RSPO3: variants seen among roughly 807,000 people sequenced by gnomAD.
RSPO3 encodes the protein R-spondin-3.
A neutral mutation model predicts 36.5 loss-of-function variants in RSPO3; 17 were observed. The ratio of observed to expected loss-of-function variants is 0.47; its 90% confidence interval spans 0.32 to 0.70. The LOEUF is 0.70. Among genes scored for constraint, RSPO3 ranks in the 30% least tolerant of loss-of-function variants. RSPO3 has a pLI of 0.04. For synonymous variants in RSPO3, 108 were observed against 107.0 expected, an observed-to-expected ratio of 1.01 and a Z score of -0.06; for missense variants, 294 against 322.5, an observed-to-expected ratio of 0.91 and a Z score of 0.68.
intron 3 of RSPO3, among the ~76,000 whole-genome samples, chr6:127,151,017 C>T (rs1375026165): frequency 6.6e-6 from 1 of 151,768 alleles, no homozygotes; most frequent in Non-Finnish European, 1.5e-5. Context: ...TAGGTCTAAT[C>T]TCAACTAATG....
At chr6:127,123,817 G>A (rs751520485) in intron 1 of RSPO3, among the ~76,000 whole-genome samples, 1 of 151,836 alleles carries the variant, frequency 6.6e-6, no homozygotes, top group Non-Finnish European at 1.5e-5. Flanking sequence ...TAATTCCCTG[G>A]CATTTAATAT....
chr6:127,167,674 A>T (rs1046714498), intron 4 of RSPO3, among the ~76,000 whole-genome samples: 1 of 151,974 alleles, frequency 6.6e-6, no homozygotes, highest in Non-Finnish European at 1.5e-5. Flanking sequence ...GGTTTGTTAC[A>T]TATGTATACA....
chr6:127,144,747 C>T (rs537989773), intron 1 of RSPO3, among the ~76,000 whole-genome samples: 10 of 148,840 alleles, frequency 6.7e-5, no homozygotes, highest in Admixed American at 1.4e-4. Flanking sequence ...CAAGCAGTTA[C>T]GGTAGCTGGG....
intron 1 of RSPO3, among the ~76,000 whole-genome samples, chr6:127,130,224 C>T (rs1774023771): frequency 6.6e-6 from 1 of 152,082 alleles, no homozygotes; most frequent in African/African-American, 2.4e-5. Context: ...AAAAATTTGC[C>T]TTTGAAACCA....
At chr6:127,147,169 GGT>G (rs1288018943) in intron 1 of RSPO3, among the ~76,000 whole-genome samples, 2 of 152,116 alleles carry the variant, frequency 1.3e-5, no homozygotes, top group Non-Finnish European at 2.9e-5. Context: ...ATTCAGGGAT[GGT>G]TTCCTACAGG....
At chr6:127,172,743 C>A (rs556315748) in intron 4 of RSPO3, among the ~76,000 whole-genome samples, 9 of 151,620 alleles carry the variant, frequency 5.9e-5, no homozygotes, top group African/African-American at 1.9e-4. Context: ...ATTTAAAATT[C>A]TTTAAATATT....
intron 3 of RSPO3, among the ~76,000 whole-genome samples, chr6:127,153,783 C>T (rs1245452955): frequency 1.3e-5 from 2 of 152,150 alleles, no homozygotes; most frequent in Non-Finnish European, 2.9e-5. Flanking sequence ...AGACTTTCCT[C>T]TTCTCATTTG....
At chr6:127,139,933 C>T (rs1467942607) in intron 1 of RSPO3, among the ~76,000 whole-genome samples, 1 of 150,936 alleles carries the variant, frequency 6.6e-6, no homozygotes, top group Non-Finnish European at 1.5e-5. Context: ...TTTCTACTTG[C>T]GATTAGGAAA....
chr6:127,180,123 G>A (rs143463947), intron 4 of RSPO3, among the ~76,000 whole-genome samples: 123 of 151,930 alleles, frequency 8.1e-4, no homozygotes, highest in Middle Eastern at 6.8e-3. Flanking sequence ...TGGAAATAGA[G>A]GAGATAAATT....
At chr6:127,174,494 T>C (rs1299995942) in intron 4 of RSPO3, among the ~76,000 whole-genome samples, 1 of 151,914 alleles carries the variant, frequency 6.6e-6, no homozygotes, top group Non-Finnish European at 1.5e-5. Flanking sequence ...AAACATGTTT[T>C]TAAAATCAGG....
intron 1 of RSPO3, among the ~76,000 whole-genome samples, chr6:127,141,497 T>C (rs1423055745): frequency 6.6e-6 from 1 of 152,156 alleles, no homozygotes. Flanking sequence ...AATATTAGAC[T>C]CCCTTCAGGA....
At chr6:127,183,349 T>G (rs1219600198) in intron 4 of RSPO3, among the ~76,000 whole-genome samples, 1 of 152,030 alleles carries the variant, frequency 6.6e-6, no homozygotes, top group Non-Finnish European at 1.5e-5. Context: ...ATGATATTCC[T>G]GAAAACATGA....
At chr6:127,154,846 A>G (rs1429730332) in intron 3 of RSPO3, among the ~76,000 whole-genome samples, 1 of 152,170 alleles carries the variant, frequency 6.6e-6, no homozygotes, top group Non-Finnish European at 1.5e-5. Flanking sequence ...GATGCATGCT[A>G]AAGTTTGAGA....
At chr6:127,192,772 G>A (rs1332979783) in intron 4 of RSPO3, 3 of 694,656 alleles carry the variant, frequency 4.3e-6, no homozygotes, top group South Asian at 1.3e-4. Context: ...GCACACGTGT[G>A]TGTGTATATA....
intron 4 of RSPO3, among the ~76,000 whole-genome samples, chr6:127,185,714 A>T (rs972279833): frequency 6.6e-6 from 1 of 152,062 alleles, no homozygotes; most frequent in Non-Finnish European, 1.5e-5. Flanking sequence ...CCATAGACCA[A>T]TAAAAAGCTT....
intron 4 of RSPO3, among the ~76,000 whole-genome samples, chr6:127,190,920 C>T (rs1202789203): frequency 6.6e-6 from 1 of 152,108 alleles, no homozygotes; most frequent in Non-Finnish European, 1.5e-5. Flanking sequence ...GGGAAAGCAA[C>T]TCTTTTTTTC....
At chr6:127,195,695 ATAG>A (rs1368455591) in intron 4 of RSPO3, 125 bp from the exon 5 acceptor site, 2 of 624,394 alleles carry the variant, frequency 3.2e-6, no homozygotes, top group Non-Finnish European at 5.2e-6. Flanking sequence ...AATGATTGAA[ATAG>A]TAGATATTTA....
At chr6:127,149,127 T>C (rs1774442161) in intron 2 of RSPO3, among the ~76,000 whole-genome samples, 1 of 152,138 alleles carries the variant, frequency 6.6e-6, no homozygotes, top group African/African-American at 2.4e-5. Context: ...CTCAATTCCA[T>C]CTGAGTTTCC....
rs1252499340 is a variant in RSPO3, at chr6:127,119,176, A to AGC, written c.-16_-15dup. On this transcript the variant is annotated 5_prime_UTR_variant, in exon 1 of 5. Transcript: ENST00000356698. Reference sequence around the variant, plus strand: ...AAAAGAAAGAGGAGAAAGGAAGGGAAGCATTACTGGGTTACTATGCACTTG... The same window carrying AGC: ...AAAAGAAAGAGGAGAAAGGAAGGGAAGCGCATTACTGGGTTACTATGCACTTG... 1 of 1,537,778 alleles carries AGC rather than the reference A, an allele frequency of 6.5e-7. No individual in the cohort carries two copies. The highest frequency in any genetic ancestry group is 9.0e-7 in the Non-Finnish European group (1 of 1,113,148).
Sources: allele counts gnomAD v4.1 joint callset (sites outside exome capture counted in the v4.1 genomes callset), GRCh38; gene constraint gnomAD v4.1.1; transcripts MANE v1.5; gene names NCBI Gene and HGNC (gene_info 2026-07-23, HGNC 2026-07-21).